The following GUCY1A1 variants were observed in gnomAD, a reference collection of about 807,000 sequenced individuals.
GUCY1A1 encodes the protein guanylate cyclase soluble subunit alpha-1.
A neutral mutation model predicts 64.5 loss-of-function variants in GUCY1A1; 48 were observed. The observed-to-expected ratio is 0.74, with a 90% CI of 0.59 to 0.95. The LOEUF is 0.95. GUCY1A1 is among the 40% of genes least tolerant of loss of function. The pLI, the probability that GUCY1A1 is intolerant of heterozygous loss-of-function variation, is 0.00. For missense variants in GUCY1A1, 804 were observed against 825.3 expected, an observed-to-expected ratio of 0.97 and a Z score of 0.32; for synonymous variants, 308 against 303.4, an observed-to-expected ratio of 1.02 and a Z score of -0.16.
At chr4:155,722,360 A>T (rs376310168) in intron 9 of GUCY1A1, 168 bp downstream of exon 9, 6 of 1,418,796 alleles carry the variant, frequency 4.2e-6, no homozygotes, top group Non-Finnish European at 4.6e-6. Flanking sequence ...TACACTGCTT[A>T]TTAGCCTCCT....
At position 155,681,334 on chromosome 4, in the gene GUCY1A1, A is replaced by T. The variant is rs1579011875; in HGVS notation, c.-113+13915A>T. Among the ~76,000 whole-genome samples the T allele has an allele frequency of 3.3e-5, 5 of 152,146 alleles. No homozygotes were observed. In the South Asian group the frequency reaches 1.0e-3, roughly 32 times the overall value. ...CTCTGTATAGTAAGTATTTCTATTT[A>T]CAGAAAGCTACAAATATAGGTAACA... On this transcript the variant is annotated intron_variant, in intron 2 of 9. Coordinates refer to ENST00000506455, the MANE Select transcript of GUCY1A1 (RefSeq NM_001130682.3).
chr4:155,702,124 C>CTGGAGCAAAACCGACA (rs1579063966), intron 3 of GUCY1A1, among the ~76,000 whole-genome samples: 2 of 152,130 alleles, frequency 1.3e-5, no homozygotes, highest in East Asian at 3.9e-4. Context: ...CACTCTCTGC[C>CTGGAGCAAAACCGACA]CTTTTGGAGC....
chr4:155,713,598 G>C lies in GUCY1A1; in HGVS notation c.1572+15G>C. 3 of 1,604,414 alleles carry C rather than the reference G, an allele frequency of 1.9e-6. No homozygotes were observed. The highest frequency in any genetic ancestry group is 8.5e-7 in the Non-Finnish European group (1 of 1,172,496). On this transcript the variant is annotated intron_variant, in intron 7 of 9. Transcript: ENST00000506455. ...ATGTCTACAAGGTAGGAGTGGACCA[G>C]GGAAATAATTGTTTTACCAGCAAAC...
At chr4:155,667,508 C>T (rs1320778581) in intron 2 of GUCY1A1, 89 bp downstream of exon 2, 1 of 152,216 alleles carries the variant, frequency 6.6e-6, no homozygotes, top group African/African-American at 2.4e-5. Flanking sequence ...GGGTCTCCTT[C>T]CTCTCCTGAG....
At chr4:155,695,515 A>G (rs977708769) in intron 2 of GUCY1A1, among the ~76,000 whole-genome samples, 3 of 152,204 alleles carry the variant, frequency 2.0e-5, no homozygotes, top group Non-Finnish European at 4.4e-5. Flanking sequence ...GTTGATTAAC[A>G]AAGCCCGATT....
intron 9 of GUCY1A1, among the ~76,000 whole-genome samples, chr4:155,725,438 A>G (rs1409748201): frequency 6.6e-6 from 1 of 152,038 alleles, no homozygotes; most frequent in Non-Finnish European, 1.5e-5. Context: ...CATTAAGAGG[A>G]ATCATCCTAT....
intron 2 of GUCY1A1, among the ~76,000 whole-genome samples, chr4:155,689,443 A>T (rs559640812): frequency 6.6e-6 from 1 of 152,212 alleles, no homozygotes; most frequent in South Asian, 2.1e-4. Flanking sequence ...GTTTAACTGC[A>T]TGTATTCAAA....
intron 5 of GUCY1A1, among the ~76,000 whole-genome samples, chr4:155,709,898 T>A (rs1732327898): frequency 6.6e-6 from 1 of 152,056 alleles, no homozygotes; most frequent in South Asian, 2.1e-4. Flanking sequence ...TGATAAAAAA[T>A]AATATTAATA....
chr4:155,719,041 A>G (rs945242362), intron 8 of GUCY1A1, among the ~76,000 whole-genome samples: 1 of 152,180 alleles, frequency 6.6e-6, no homozygotes, highest in Non-Finnish European at 1.5e-5. Flanking sequence ...ACTATTAACA[A>G]CATTTTAAGT....
At position 155,696,944 on chromosome 4, in the gene GUCY1A1, C is replaced by G; in HGVS notation, c.77C>G (p.Pro26Arg). ...TCCTTACTGGCACCAGGTCAAGTTC[C>G]TAACGAGTCTTCAGAGGAGGCAGCA... ...PFSLLAPGQVPNESSEEAAGS... is the reference protein window; with the variant it reads ...PFSLLAPGQVRNESSEEAAGS... The change falls in exon 3 of 10, where the codon CCT (proline) becomes CGT (arginine). Residue 26 changes from proline to arginine, a missense_variant. By Grantham distance (103) the Pro-to-Arg change is moderately radical. Transcript: ENST00000506455. 1 of 1,613,362 alleles carries G rather than the reference C, an allele frequency of 6.2e-7. No homozygotes were observed. Among genetic ancestry groups the G allele is most frequent in the South Asian group, 1.1e-5 (1 of 91,070 alleles).
chr4:155,688,252 A>C (rs1729277203), intron 2 of GUCY1A1, among the ~76,000 whole-genome samples: 1 of 151,788 alleles, frequency 6.6e-6, no homozygotes, highest in African/African-American at 2.4e-5. Flanking sequence ...AAAAAAAAAA[A>C]AAACTCATCA....
intron 9 of GUCY1A1, among the ~76,000 whole-genome samples, chr4:155,725,292 A>T (rs1255720142): frequency 6.6e-6 from 1 of 152,110 alleles, no homozygotes; most frequent in African/African-American, 2.4e-5. Flanking sequence ...GTATGAAAAC[A>T]ACTCAGTATA....
chr4:155,705,043 T>A (rs1173810898), intron 4 of GUCY1A1, among the ~76,000 whole-genome samples: 1 of 152,114 alleles, frequency 6.6e-6, no homozygotes, highest in African/African-American at 2.4e-5. Flanking sequence ...GCCACCATGC[T>A]CACCTAATTT....
chr4:155,707,700 T>C (rs1333452901), intron 4 of GUCY1A1, among the ~76,000 whole-genome samples: 1 of 152,160 alleles, frequency 6.6e-6, no homozygotes, highest in Non-Finnish European at 1.5e-5. Flanking sequence ...TAACAAAACA[T>C]TCTATGTCAT....
Position 155,722,068 on chromosome 4 carries a change from T to C in GUCY1A1, c.1747T>C (p.Phe583Leu). 2 of 1,613,582 alleles carry C rather than the reference T, an allele frequency of 1.2e-6. No individual in the cohort carries two copies. The highest frequency in any genetic ancestry group is 1.3e-5 in the African/African-American group (1 of 75,012). The change falls in exon 9 of 10, where the codon TTT becomes CTT. Residue 583 changes from phenylalanine (F) to leucine (L), a missense_variant. Physicochemically the swap from Phe to Leu is conservative, Grantham distance 22. Transcript: ENST00000506455. The part of the protein sequence containing the change: ...MRIGLHSGSV[F>L]AGVVGVKMPR... ...AATTGGACTGCACTCTGGATCAGTT[T>C]TTGCTGGCGTCGTTGGAGTTAAAAT...
intron 2 of GUCY1A1, among the ~76,000 whole-genome samples, chr4:155,685,223 A>C (rs796090260): frequency 6.6e-6 from 1 of 152,210 alleles, no homozygotes; most frequent in South Asian, 2.1e-4. Flanking sequence ...TGTTGTGAAG[A>C]TTAAATAAGA....
At chr4:155,720,840 ATAAT>A (rs1233267455) in intron 8 of GUCY1A1, among the ~76,000 whole-genome samples, 1 of 152,176 alleles carries the variant, frequency 6.6e-6, no homozygotes, top group African/African-American at 2.4e-5. Context: ...GAGTTTGAAA[ATAAT>A]TAACATGGTA....
chr4:155,707,369 G>T (rs1023016137), intron 4 of GUCY1A1, among the ~76,000 whole-genome samples: 3 of 152,296 alleles, frequency 2.0e-5, no homozygotes, highest in African/African-American at 7.2e-5. Context: ...CATGTCCTCA[G>T]CAACTTAAAG....
At chr4:155,682,699 AGTGT>A (rs60103633) in intron 2 of GUCY1A1, among the ~76,000 whole-genome samples, 31,949 of 146,740 alleles carry the variant, frequency 0.22, 3,453 homozygotes, top group Middle Eastern at 0.26. Flanking sequence ...AAGAAAATTC[AGTGT>A]GTGTGTGTGT....
Sources: allele counts gnomAD v4.1 joint callset (sites outside exome capture counted in the v4.1 genomes callset), GRCh38; gene constraint gnomAD v4.1.1; transcripts MANE v1.5; gene names NCBI Gene and HGNC (gene_info 2026-07-23, HGNC 2026-07-21).